Variants in PPAT observed in about 807,000 individuals in gnomAD.
PPAT encodes the protein amidophosphoribosyltransferase.
PPAT carries 20 observed loss-of-function variants against 60.2 expected under a neutral mutation model. The observed-to-expected ratio is 0.33, with a 90% CI of 0.23 to 0.48. The LOEUF (loss-of-function observed/expected upper bound fraction) is 0.48, where lower values mean the gene tolerates loss of function less well. Ranked by LOEUF, PPAT falls within the 20% of genes least tolerant of loss-of-function variation. The pLI is 0.99. For synonymous variants in PPAT, 194 were observed against 215.1 expected, an observed-to-expected ratio of 0.90 and a Z score of 0.86; for missense variants, 349 against 629.6, an observed-to-expected ratio of 0.55 and a Z score of 4.77.
At chr4:56,402,927 C>A in intron 5 of PPAT, 113 bp downstream of exon 5, 1 of 890,702 alleles carries the variant, frequency 1.1e-6, no homozygotes, top group Non-Finnish European at 1.6e-6. Context: ...ATTTTTCTTA[C>A]CTAGCTCCCT....
chr4:56,413,121 T>G (rs890450573), intron 1 of PPAT, among the ~76,000 whole-genome samples: 2 of 150,168 alleles, frequency 1.3e-5, no homozygotes, highest in South Asian at 2.1e-4. Context: ...ACTTTGGTTT[T>G]TTGTTGTTGT....
chr4:56,430,357 A>C (rs1004284168), intron 1 of PPAT, among the ~76,000 whole-genome samples: 8 of 152,112 alleles, frequency 5.3e-5, no homozygotes, highest in Non-Finnish European at 1.2e-4. Context: ...GGTAGGTGCT[A>C]TTATTATACC....
chr4:56,408,900 G>GT (rs1343434417), intron 1 of PPAT, among the ~76,000 whole-genome samples: 6 of 152,076 alleles, frequency 3.9e-5, no homozygotes, highest in African/African-American at 1.4e-4. Flanking sequence ...TCAAACTGCT[G>GT]TAACTGGGCG....
At chr4:56,413,655 G>A (rs1214158801) in intron 1 of PPAT, among the ~76,000 whole-genome samples, 2 of 152,040 alleles carry the variant, frequency 1.3e-5, no homozygotes, top group African/African-American at 2.4e-5. Context: ...CAGCACTTTG[G>A]GAGGTTGAGG....
At chr4:56,434,546 T>G (rs1220461217) in intron 1 of PPAT, among the ~76,000 whole-genome samples, 1 of 152,236 alleles carries the variant, frequency 6.6e-6, no homozygotes, top group Non-Finnish European at 1.5e-5. Context: ...TTTTTTTAAC[T>G]CGAAAGGATC....
At chr4:56,401,066 T>C in intron 7 of PPAT, 155 bp from the exon 8 acceptor site, 1 of 896,566 alleles carries the variant, frequency 1.1e-6, no homozygotes, top group Non-Finnish European at 1.6e-6. Context: ...ACTGGGGAAC[T>C]CAACTGTGTG....
Position 56,396,742 on chromosome 4 carries a change from T to C in PPAT, c.1237-3A>G. Reference sequence around the variant, plus strand: ...GGTGAAGCTACTCGAATGTGTACCTTGGAAAGAAATCATTGCACACAAGGT... The same window carrying C: ...GGTGAAGCTACTCGAATGTGTACCTCGGAAAGAAATCATTGCACACAAGGT... On this transcript the variant is annotated splice_polypyrimidine_tract_variant and splice_region_variant and intron_variant, in intron 9 of 10. Coordinates refer to ENST00000264220, the MANE Select transcript of PPAT (RefSeq NM_002703.5). The surrounding 1 kb of genome is among the most constrained non-coding windows in gnomAD (Gnocchi z 4.6). 1 of 1,606,688 alleles carries C rather than the reference T, an allele frequency of 6.2e-7. No individual in the cohort carries two copies. The highest frequency in any genetic ancestry group is 1.1e-5 in the South Asian group (1 of 89,094).
In PPAT at chr4:56,425,309, A is replaced by G. The variant is rs1251275522; in HGVS notation, c.128+10041T>C. 2 of 179,390 alleles carry G rather than the reference A, an allele frequency of 1.1e-5. 1 individual carries two copies. Among genetic ancestry groups the G allele is most frequent in the East Asian group, 3.8e-4 (2 of 5,324 alleles). 11.1% of individuals were successfully genotyped at this position (179,390 alleles called of 1,614,324 possible). ...ATAATCTTAGCAGTAAAATTATTAC[A>G]TAAATTAATGCACTTTAGTCATATG... On this transcript the variant is annotated intron_variant, in intron 1 of 10. Transcript: ENST00000264220.
chr4:56,399,540 G>C, intron 8 of PPAT, 140 bp from the exon 9 acceptor site: 1 of 656,334 alleles, frequency 1.5e-6, no homozygotes. Context: ...AAGGCAAAAA[G>C]AAAAACCACT....
intron 1 of PPAT, chr4:56,431,457 A>AG: frequency 1.0e-6 from 1 of 976,968 alleles, no homozygotes; most frequent in Non-Finnish European, 1.2e-6. Context: ...AGTGCTCCTG[A>AG]GATCATTACA....
intron 1 of PPAT, 114 bp downstream of exon 1, chr4:56,435,236 G>C (rs978764227): frequency 6.1e-6 from 9 of 1,480,226 alleles, no homozygotes; most frequent in Non-Finnish European, 8.3e-6. Flanking sequence ...TACTGGCTTA[G>C]GTCGGAGAGG....
At chr4:56,425,884 TTTCCTTAG>T (rs1717259550) in intron 1 of PPAT, among the ~76,000 whole-genome samples, 3 of 152,290 alleles carry the variant, frequency 2.0e-5, no homozygotes, top group Admixed American at 1.3e-4. Context: ...GCAGTTCATG[TTTCCTTAG>T]TTCCTTTATA....
At chr4:56,403,626 C>T (rs1716173913) in intron 3 of PPAT, among the ~76,000 whole-genome samples, 1 of 152,130 alleles carries the variant, frequency 6.6e-6, no homozygotes, top group Non-Finnish European at 1.5e-5. Flanking sequence ...GGGGATGATT[C>T]AAGCGAATTA....
intron 1 of PPAT, among the ~76,000 whole-genome samples, chr4:56,433,404 A>G (rs1013174475): frequency 6.7e-6 from 1 of 149,458 alleles, no homozygotes; most frequent in African/African-American, 2.5e-5. Flanking sequence ...CATTAAAAAA[A>G]AAAAAAAAGA....
At chr4:56,400,587 C>A in intron 8 of PPAT, 197 bp downstream of exon 8, 1 of 515,486 alleles carries the variant, frequency 1.9e-6, no homozygotes, top group Admixed American at 3.2e-5. Context: ...TTTCAGTGAA[C>A]CTTTTAGTGG....
rs573688377 is a variant in PPAT, at chr4:56,415,594, T to C, written c.129-7878A>G. On this transcript the variant is annotated intron_variant, in intron 1 of 10. Coordinates refer to ENST00000264220, the MANE Select transcript of PPAT (RefSeq NM_002703.5). ...AATTTAACTTCTGGAAACTTTAATA[T>C]GTATCAATCAATAAATTATATAAGA... Among the ~76,000 whole-genome samples, 6 of 152,316 alleles carry C rather than the reference T, an allele frequency of 3.9e-5. No homozygotes were observed. The South Asian group carries it at 8.3e-4, about 21-fold the overall frequency.
In PPAT at chr4:56,419,928, T is replaced by G. The variant is rs924312859; in HGVS notation, c.129-12212A>C. Reference sequence around the variant, plus strand: ...AGGCATGACTAAGAGTATGAAATTTTTTACTGAGTTGGATGCTATTCTGGG... The same window carrying G: ...AGGCATGACTAAGAGTATGAAATTTGTTACTGAGTTGGATGCTATTCTGGG... On this transcript the variant is annotated intron_variant, in intron 1 of 10. Transcript: ENST00000264220. The G allele has an allele frequency of 7.1e-6, 7 of 984,184 alleles. No homozygotes were observed. The African/African-American group carries it at 1.0e-4, about 15-fold the overall frequency. 61.0% of individuals were successfully genotyped at this position (984,184 alleles called of 1,614,324 possible).
intron 9 of PPAT, among the ~76,000 whole-genome samples, chr4:56,398,393 A>G (rs542258252): frequency 2.6e-5 from 4 of 152,356 alleles, no homozygotes; most frequent in East Asian, 3.9e-4. Context: ...TTAAAAAATA[A>G]TAAGTCAAAG....
intron 1 of PPAT, among the ~76,000 whole-genome samples, chr4:56,430,267 A>G (rs1412443992): frequency 1.3e-5 from 2 of 152,182 alleles, no homozygotes; most frequent in Non-Finnish European, 2.9e-5. Flanking sequence ...AGGCAGGGTC[A>G]TAGGGCATGC....
Sources: allele counts gnomAD v4.1 joint callset (sites outside exome capture counted in the v4.1 genomes callset), GRCh38; gene constraint gnomAD v4.1.1; non-coding constraint Gnocchi (gnomAD v3.1); transcripts MANE v1.5; gene names NCBI Gene and HGNC (gene_info 2026-07-23, HGNC 2026-07-21).